Variants in SLC46A3 observed in about 807,000 individuals in gnomAD.
SLC46A3 encodes lysosomal proton-coupled steroid conjugate and bile acid symporter SLC46A3.
SLC46A3 carries 26 observed loss-of-function variants against 38.5 expected under a neutral mutation model. The ratio of observed to expected loss-of-function variants is 0.68; its 90% CI spans 0.49 to 0.94. The LOEUF is 0.94. SLC46A3 is among the 40% of genes least tolerant of loss of function. The pLI, the probability that SLC46A3 is intolerant of heterozygous loss-of-function variation, is 0.00. For synonymous variants in SLC46A3, 185 were observed against 192.5 expected (o/e 0.96, Z 0.32); for missense variants, 510 against 544.3 (o/e 0.94, Z 0.63).
intron 2 of SLC46A3, among the ~76,000 whole-genome samples, chr13:28,717,515 C>G (rs1011209014): frequency 9.0e-5 from 7 of 77,524 alleles, no homozygotes; most frequent in Non-Finnish European, 1.7e-4. Context: ...TTTTTTAGGA[C>G]AAAGCAAGGA....
chr13:28,711,849 C>T (rs746825640), intron 3 of SLC46A3, among the ~76,000 whole-genome samples: 8 of 152,166 alleles, frequency 5.3e-5, no homozygotes, highest in Non-Finnish European at 1.0e-4. Context: ...TTGTGCCAAG[C>T]GAGTGCTTGA....
At chr13:28,704,170 T>C in intron 4 of SLC46A3, 71 bp from the exon 5 acceptor site, 4 of 1,351,390 alleles carry the variant, frequency 3.0e-6, no homozygotes, top group Non-Finnish European at 2.0e-6. Context: ...CACAAACTAA[T>C]GGAGACAACT....
chr13:28,717,509 T>TTTTTTTTTTTTTTTTTTTTG (rs1266330499), intron 2 of SLC46A3, among the ~76,000 whole-genome samples: 1 of 112,102 alleles, frequency 8.9e-6, no homozygotes, highest in African/African-American at 3.1e-5. Context: ...TTTTTTTTTT[T>TTTTTTTTTTTTTTTTTTTTG]TAGGACAAAG....
intron 3 of SLC46A3, among the ~76,000 whole-genome samples, chr13:28,711,383 C>T (rs1885335669): frequency 6.7e-6 from 1 of 150,316 alleles, no homozygotes; most frequent in South Asian, 2.1e-4. Flanking sequence ...CAGATCATGC[C>T]ACTGCACTCC....
intron 4 of SLC46A3, among the ~76,000 whole-genome samples, chr13:28,709,942 A>G (rs1292138333): frequency 1.3e-5 from 2 of 152,352 alleles, no homozygotes; most frequent in African/African-American, 4.8e-5. Context: ...GGCCAGTGTA[A>G]GAACATTATC....
At chr13:28,706,166 G>C (rs943845077) in intron 4 of SLC46A3, among the ~76,000 whole-genome samples, 14 of 152,070 alleles carry the variant, frequency 9.2e-5, no homozygotes, top group African/African-American at 3.4e-4. Context: ...GTGATGCCCA[G>C]GTAAAATAGT....
Position 28,701,116 on chromosome 13 carries a change from G to A in SLC46A3, c.*381C>T. 1 of 1,437,718 alleles carries A rather than the reference G, an allele frequency of 7.0e-7. No individual in the cohort carries two copies. The highest frequency in any genetic ancestry group is 2.5e-5 in the East Asian group (1 of 39,568). The allele number at this position is 1,437,718 out of a possible 1,614,324, so 89.1% of individuals were successfully genotyped here. A position where few individuals can be genotyped will look rare whatever the true frequency, so the allele number is the denominator to read the frequency against. On this transcript the variant is annotated 3_prime_UTR_variant, in exon 6 of 6. Transcript: ENST00000266943. Reference sequence around the variant, plus strand: ...CCCATTCTGCTGATGAAGAAACTGAGGTAAAGATTTCTCTTTGGTCTCAGT... The same window carrying A: ...CCCATTCTGCTGATGAAGAAACTGAAGTAAAGATTTCTCTTTGGTCTCAGT...
At chr13:28,711,034 T>G (rs1885326213) in intron 3 of SLC46A3, among the ~76,000 whole-genome samples, 191 bp from the exon 4 acceptor site, 1 of 152,230 alleles carries the variant, frequency 6.6e-6, no homozygotes, top group South Asian at 2.1e-4. Context: ...ACAGGTCAGT[T>G]TAAGGTTACT....
In SLC46A3 at chr13:28,717,961, C is replaced by T. The variant is rs74041643; in HGVS notation, c.38G>A (p.Ser13Asn). Residue 13 changes from serine (S) to asparagine (N), a missense_variant, in exon 2 of 6, where the codon AGT becomes AAT. Ser to Asn is a conservative substitution (Grantham distance 46, BLOSUM62 1). Transcript: ENST00000266943. ...ACCGGTCAAAGTCATAGCAAATGCA[C>T]TAAGGAAAATGGCAGGTTCTACAAA... ...ILFVEPAIFL[S>N]AFAMTLTGPL... The T allele has an allele frequency of 7.4e-4, 1,192 of 1,613,592 alleles. 16 individuals carry two copies. The African/African-American group carries it at 0.015, about 20-fold the overall frequency.
intron 2 of SLC46A3, among the ~76,000 whole-genome samples, chr13:28,714,769 T>C (rs573425713): frequency 6.6e-6 from 1 of 152,052 alleles, no homozygotes; most frequent in East Asian, 1.9e-4. Flanking sequence ...AAATAAAAAG[T>C]AAATAAAGGT....
At chr13:28,714,376 G>A (rs1476692404) in intron 2 of SLC46A3, among the ~76,000 whole-genome samples, 2 of 152,168 alleles carry the variant, frequency 1.3e-5, no homozygotes, top group African/African-American at 4.8e-5. Flanking sequence ...GTGGGAGGCC[G>A]AGGTGGGAGC....
Position 28,700,771 on chromosome 13 carries a change from AC to A in SLC46A3, c.*725del. 1.9e-6 allele frequency: 1 copy of A among 519,514 alleles called. No homozygotes were observed. The highest frequency in any genetic ancestry group is 3.4e-6 in the Non-Finnish European group (1 of 292,654). 32.2% of individuals were successfully genotyped at this position (519,514 alleles called of 1,614,324 possible). On this transcript the variant is annotated 3_prime_UTR_variant, in exon 6 of 6. Coordinates refer to ENST00000266943, the MANE Select transcript of SLC46A3 (RefSeq NM_181785.4). The stretch of plus-strand genomic sequence containing the variant: ...ATCTATTTTTTCCCAATTACCCATT[AC>A]ATATAGAAATATTATCATGCCTGTC...
intron 2 of SLC46A3, among the ~76,000 whole-genome samples, chr13:28,714,982 C>T (rs1885487559): frequency 6.6e-6 from 1 of 152,124 alleles, no homozygotes; most frequent in African/African-American, 2.4e-5. Flanking sequence ...AAAGTGTGTG[C>T]CATTTGTATA....
chr13:28,712,657 C>A, intron 3 of SLC46A3, 23 bp downstream of exon 3: 1 of 1,537,688 alleles, frequency 6.5e-7, no homozygotes, highest in South Asian at 1.3e-5. Context: ...ATAGTTAGTT[C>A]TAAAGCTACA....
intron 2 of SLC46A3, among the ~76,000 whole-genome samples, chr13:28,717,506 T>TTTTTTTTTTTTTTTTTTTTTTTTTTTG (rs1885563782): frequency 1.0e-5 from 1 of 98,068 alleles, no homozygotes; most frequent in Non-Finnish European, 2.2e-5. Flanking sequence ...TTTTTTTTTT[T>TTTTTTTTTTTTTTTTTTTTTTTTTTTG]TTTTAGGACA....
intron 3 of SLC46A3, 136 bp from the exon 4 acceptor site, chr13:28,710,979 T>A: frequency 1.5e-6 from 1 of 650,088 alleles, no homozygotes; most frequent in Non-Finnish European, 2.7e-6. Context: ...AAAATTGAAT[T>A]AATTAATTGT....
rs1467589520 is a variant in SLC46A3 at position 28,701,177 on chromosome 13, T to C, written c.*320A>G. 2.8e-6 allele frequency: 4 copies of C among 1,404,068 alleles called. No homozygotes were observed. Among genetic ancestry groups the C allele is most frequent in the Non-Finnish European group, 3.7e-6 (4 of 1,079,306 alleles). 87.0% of individuals were successfully genotyped at this position (1,404,068 alleles called of 1,614,324 possible). ...GGAATATGTCAGAGAGATTATTGCTTTTGACCTTATCAAGTTTCTTGATCC... is the reference window on the plus strand; with the variant it reads ...GGAATATGTCAGAGAGATTATTGCTCTTGACCTTATCAAGTTTCTTGATCC... On this transcript the variant is annotated 3_prime_UTR_variant, in exon 6 of 6. Transcript: ENST00000266943.
chr13:28,709,245 C>A (rs923867513), intron 4 of SLC46A3, among the ~76,000 whole-genome samples: 2 of 150,910 alleles, frequency 1.3e-5, no homozygotes, highest in Non-Finnish European at 2.9e-5. Flanking sequence ...TTGCTTGAAC[C>A]CAGGAGGCAG....
chr13:28,701,416 G>A lies in SLC46A3; in HGVS notation c.*81C>T, dbSNP rs1161289130. Reference sequence around the variant, plus strand: ...ATTGGTTCTCAGTGAAGCACTGATTGTGGAATTCATTTATAGTCTTCAGAA... The same window carrying A: ...ATTGGTTCTCAGTGAAGCACTGATTATGGAATTCATTTATAGTCTTCAGAA... On this transcript the variant is annotated 3_prime_UTR_variant, in exon 6 of 6. Coordinates refer to ENST00000266943, the MANE Select transcript of SLC46A3 (RefSeq NM_181785.4). 1 of 1,560,254 alleles carries A rather than the reference G, an allele frequency of 6.4e-7. No individual in the cohort carries two copies. Among genetic ancestry groups the A allele is most frequent in the Non-Finnish European group, 8.6e-7 (1 of 1,157,584 alleles).
Sources: gnomAD v4.1 joint callset for allele counts (sites outside exome capture counted in the v4.1 genomes callset) on GRCh38, gnomAD v4.1.1 for gene constraint, MANE v1.5 for transcripts, NCBI Gene and HGNC (gene_info 2026-07-23, HGNC 2026-07-21) for gene names.